PSTPIP2: variants seen among roughly 807,000 people sequenced by gnomAD.
PSTPIP2 encodes the protein proline-serine-threonine phosphatase interacting protein 2, also known as proline-serine-threonine phosphatase-interacting protein 2.
In PSTPIP2, 33 loss-of-function variants were observed where a neutral mutation model predicts 63.3. That is an observed-to-expected ratio of 0.52 (90% CI 0.40 to 0.70). The LOEUF is 0.70. Among genes scored for constraint, PSTPIP2 ranks in the 30% least tolerant of loss-of-function variants. PSTPIP2 has a pLI of 0.00. For missense variants in PSTPIP2, 312 were observed against 400.7 expected, an observed-to-expected ratio of 0.78 and a Z score of 1.89; for synonymous variants, 125 against 132.7, an observed-to-expected ratio of 0.94 and a Z score of 0.40.
rs188897950 is a variant in PSTPIP2, at chr18:46,022,928, C to A, written c.212+1681G>T. ...GGTACATATACACCATGGAACACTA[C>A]GAAGCCATAAAAAAGAATGAGATCA... is the stretch of plus-strand genomic sequence containing the variant. On this transcript the variant is annotated intron_variant, in intron 3 of 14. Transcript: ENST00000409746. Among the ~76,000 whole-genome samples, 7 of 152,052 alleles carry A rather than the reference C, an allele frequency of 4.6e-5. 1 individual carries two copies. Among genetic ancestry groups the A allele is most frequent in the Non-Finnish European group, 8.8e-5 (6 of 68,016 alleles).
At chr18:46,006,666 G>A (rs1232864915) in intron 5 of PSTPIP2, among the ~76,000 whole-genome samples, 5 of 152,076 alleles carry the variant, frequency 3.3e-5, no homozygotes, top group African/African-American at 1.2e-4. Context: ...GAGCCACCGC[G>A]CCCGGCCTCC....
At chr18:46,047,346 G>A (rs1485169736) in intron 1 of PSTPIP2, among the ~76,000 whole-genome samples, 2 of 152,108 alleles carry the variant, frequency 1.3e-5, no homozygotes, top group African/African-American at 4.8e-5. Context: ...AGGCCAAGGC[G>A]GGCAGATCAT....
At chr18:46,062,814 G>C (rs1220707138) in intron 1 of PSTPIP2, among the ~76,000 whole-genome samples, 1 of 151,998 alleles carries the variant, frequency 6.6e-6, no homozygotes, top group Non-Finnish European at 1.5e-5. Flanking sequence ...CATCCCGGCA[G>C]GTAAACCACT....
chr18:45,994,051 C>T (rs2144062177), intron 9 of PSTPIP2: 12 of 322,600 alleles, frequency 3.7e-5, no homozygotes, highest in South Asian at 3.3e-4. Flanking sequence ...CAAAATGCTG[C>T]CCCTCCCACC....
intron 10 of PSTPIP2, among the ~76,000 whole-genome samples, chr18:45,993,004 G>A (rs747603675): frequency 2.6e-5 from 4 of 152,176 alleles, no homozygotes; most frequent in African/African-American, 9.7e-5. Context: ...GGGATTACAG[G>A]TGTAAGCCAC....
intron 1 of PSTPIP2, among the ~76,000 whole-genome samples, chr18:46,040,834 G>A (rs556952999): frequency 7.5e-4 from 115 of 152,326 alleles, no homozygotes; most frequent in South Asian, 1.5e-3. Flanking sequence ...GCACGTGGAT[G>A]AGGGAGCTGG....
intron 14 of PSTPIP2, 33 bp downstream of exon 14, chr18:45,988,669 T>C (rs1458124064): frequency 2.7e-6 from 4 of 1,508,090 alleles, no homozygotes; most frequent in Non-Finnish European, 3.7e-6. Context: ...AGTCTACACA[T>C]GACTCAATTA....
intron 4 of PSTPIP2, among the ~76,000 whole-genome samples, chr18:46,015,089 T>C (rs962882869): frequency 2.6e-5 from 4 of 152,106 alleles, no homozygotes; most frequent in Non-Finnish European, 5.9e-5. Flanking sequence ...CAGTGCTGAA[T>C]GCTGTTGAAG....
intron 2 of PSTPIP2, among the ~76,000 whole-genome samples, chr18:46,039,037 G>A (rs1041964153): frequency 1.3e-5 from 2 of 152,162 alleles, no homozygotes; most frequent in African/African-American, 4.8e-5. Context: ...GAAAGTGAGA[G>A]AGTTGACCGA....
In PSTPIP2 at chr18:46,005,541, G is replaced by A. The variant is rs754981953; in HGVS notation, c.355-10C>T. ...CCATTATGAGCTCTGTCTGTAAAGAGATCATAAACACTCTTAATAAAAACA... is the reference window on the plus strand; with the variant it reads ...CCATTATGAGCTCTGTCTGTAAAGAAATCATAAACACTCTTAATAAAAACA... On this transcript the variant is annotated splice_polypyrimidine_tract_variant and intron_variant, in intron 5 of 14. Transcript: ENST00000409746. The A allele has an allele frequency of 2.1e-5, 33 of 1,555,330 alleles. No individual in the cohort carries two copies. In the South Asian group the frequency reaches 3.8e-4, roughly 18 times the overall value.
At chr18:46,005,908 A>G (rs1327880034) in intron 5 of PSTPIP2, among the ~76,000 whole-genome samples, 1 of 152,222 alleles carries the variant, frequency 6.6e-6, no homozygotes, top group African/African-American at 2.4e-5. Flanking sequence ...ATAAGTATAC[A>G]TCAGCACAGT....
At chr18:46,035,681 G>A (rs1907948308) in intron 2 of PSTPIP2, among the ~76,000 whole-genome samples, 1 of 152,112 alleles carries the variant, frequency 6.6e-6, no homozygotes, top group Non-Finnish European at 1.5e-5. Flanking sequence ...GTGTGTCTGT[G>A]CTGGGAAGTA....
In PSTPIP2 at chr18:46,015,887, A is replaced by ATT. The variant is rs753883734; in HGVS notation, c.247+15_247+16insAA. ...CAAGGGCAGTGAATACATTTTTTAA[A>ATT]AAAAAAATCACTTACGCTGCTTGAA... On this transcript the variant is annotated intron_variant, in intron 4 of 14. Coordinates refer to ENST00000409746, the MANE Select transcript of PSTPIP2 (RefSeq NM_024430.4). 3 of 1,607,390 alleles carry ATT rather than the reference A, an allele frequency of 1.9e-6. No homozygotes were observed. The highest frequency in any genetic ancestry group is 2.7e-5 in the African/African-American group (2 of 74,386).
chr18:46,012,210 A>C (rs1255542606), intron 4 of PSTPIP2, among the ~76,000 whole-genome samples: 6 of 152,190 alleles, frequency 3.9e-5, no homozygotes, highest in Non-Finnish European at 8.8e-5. Flanking sequence ...GTTGGGCAAA[A>C]TTTTTAAAGC....
intron 2 of PSTPIP2, among the ~76,000 whole-genome samples, chr18:46,034,650 T>C (rs527902311): frequency 6.6e-6 from 1 of 152,340 alleles, no homozygotes; most frequent in African/African-American, 2.4e-5. Flanking sequence ...GCTACTGTAC[T>C]GGGCACAGTG....
At chr18:46,016,804 A>G (rs2051856522) in intron 3 of PSTPIP2, among the ~76,000 whole-genome samples, 2 of 152,210 alleles carry the variant, frequency 1.3e-5, no homozygotes, top group South Asian at 2.1e-4. Context: ...CTGCTTACTC[A>G]AGGTTAGTAT....
chr18:46,002,192 A>G (rs1364155170), intron 6 of PSTPIP2, among the ~76,000 whole-genome samples: 1 of 152,054 alleles, frequency 6.6e-6, no homozygotes, highest in Non-Finnish European at 1.5e-5. Flanking sequence ...ATGTCTTGGT[A>G]TGGATTTCTT....
intron 5 of PSTPIP2, among the ~76,000 whole-genome samples, chr18:46,006,980 C>G (rs979393986): frequency 1.3e-5 from 2 of 152,216 alleles, no homozygotes; most frequent in Non-Finnish European, 2.9e-5. Context: ...GTAGCCCTGA[C>G]TCCAGTGCCC....
At chr18:46,032,754 CAAAAAAAAAA>C (rs762015034) in intron 2 of PSTPIP2, among the ~76,000 whole-genome samples, 10 of 50,192 alleles carry the variant, frequency 2.0e-4, no homozygotes, top group Non-Finnish European at 3.5e-4. Context: ...AACTCTGTGT[CAAAAAAAAAA>C]AAAAAAAAAA....
Sources: gnomAD v4.1 joint callset for allele counts (sites outside exome capture counted in the v4.1 genomes callset) on GRCh38, gnomAD v4.1.1 for gene constraint, MANE v1.5 for transcripts, NCBI Gene and HGNC (gene_info 2026-07-23, HGNC 2026-07-21) for gene names.